Variants in SLC8A1 observed in about 807,000 individuals in gnomAD.
The protein encoded by SLC8A1 is solute carrier family 8 member A1, also known as sodium/calcium exchanger 1.
Under a neutral mutation model 68.3 loss-of-function variants are expected in SLC8A1, and 18 were observed. That is an observed-to-expected ratio of 0.26 (90% CI 0.18 to 0.39). The LOEUF (loss-of-function observed/expected upper bound fraction) is 0.39. Ranked by LOEUF, SLC8A1 falls within the 10% of genes least tolerant of loss-of-function variation. The pLI, the probability that SLC8A1 is intolerant of heterozygous loss-of-function variation, is 1.00. For missense variants in SLC8A1, 985 were observed against 1,156.7 expected (o/e 0.85, Z 2.15); for synonymous variants, 475 against 415.5 (o/e 1.14, Z -1.74).
chr2:40,133,557 C>T (rs1280075460), intron 7 of SLC8A1, among the ~76,000 whole-genome samples: 1 of 151,912 alleles, frequency 6.6e-6, no homozygotes, highest in Non-Finnish European at 1.5e-5. Flanking sequence ...AAAGGACAGC[C>T]TATCATACCC....
At chr2:40,339,201 C>T (rs139316691) in intron 2 of SLC8A1, among the ~76,000 whole-genome samples, 1 of 152,276 alleles carries the variant, frequency 6.6e-6, no homozygotes, top group East Asian at 1.9e-4. Context: ...GTTATTCATT[C>T]CTAAGATGTC....
At chr2:40,398,007 C>A (rs1687531174) in intron 2 of SLC8A1, among the ~76,000 whole-genome samples, 2 of 152,160 alleles carry the variant, frequency 1.3e-5, no homozygotes, top group Admixed American at 6.5e-5. Flanking sequence ...AGGAAAATAA[C>A]AGAATGGGGA....
At chr2:40,324,669 C>T (rs962263845) in intron 2 of SLC8A1, among the ~76,000 whole-genome samples, 1 of 152,014 alleles carries the variant, frequency 6.6e-6, no homozygotes, top group Non-Finnish European at 1.5e-5. Flanking sequence ...CCCTTCCTTT[C>T]CCTTCCCTTC....
chr2:40,395,501 T>A lies in SLC8A1; in HGVS notation c.1808+32972A>T, dbSNP rs7578579. ...AAGTCAAATCCGAAGGCTACCCTGC[T>A]TGTGGTGTTCCATAACTCTGTCTGG... On this transcript the variant is annotated intron_variant, in intron 2 of 7. Transcript: ENST00000406785. Among the ~76,000 whole-genome samples, 467 of 152,242 alleles carry A rather than the reference T, an allele frequency of 3.1e-3. 3 individuals carry two copies. The highest frequency in any genetic ancestry group is 0.011 in the African/African-American group (441 of 41,556).
At chr2:40,364,225 A>G (rs933750980) in intron 2 of SLC8A1, among the ~76,000 whole-genome samples, 1 of 152,088 alleles carries the variant, frequency 6.6e-6, no homozygotes, top group African/African-American at 2.4e-5. Flanking sequence ...TATTTTCTCA[A>G]TGCTCAGTAT....
chr2:40,256,953 A>G (rs1394743662), intron 2 of SLC8A1, among the ~76,000 whole-genome samples: 2 of 152,122 alleles, frequency 1.3e-5, no homozygotes, highest in African/African-American at 4.8e-5. Flanking sequence ...CCCATCAGCA[A>G]CTCAGCCCCA....
chr2:40,254,951 T>TCACTG (rs1207347883), intron 2 of SLC8A1: 1 of 151,966 alleles, frequency 6.6e-6, no homozygotes, highest in Non-Finnish European at 1.5e-5. Flanking sequence ...TTGAGCCCTG[T>TCACTG]CACTGAGTCT....
chr2:40,331,821 G>C (rs1311749353), intron 2 of SLC8A1, among the ~76,000 whole-genome samples: 1 of 152,096 alleles, frequency 6.6e-6, no homozygotes, highest in Non-Finnish European at 1.5e-5. Context: ...TTGAACTCCT[G>C]ACCTCAGGTG....
At chr2:40,219,261 CTT>C (rs930672595) in intron 2 of SLC8A1, among the ~76,000 whole-genome samples, 2 of 152,142 alleles carry the variant, frequency 1.3e-5, no homozygotes, top group African/African-American at 4.8e-5. Flanking sequence ...AAGCACAGCT[CTT>C]GTTTGACCTT....
Position 40,465,958 on chromosome 2 carries a change from T to C in SLC8A1, c.-24-35654A>G, listed in dbSNP as rs570811734. Among the ~76,000 whole-genome samples the C allele has an allele frequency of 3.9e-5, 6 of 152,226 alleles. No individual in the cohort carries two copies. The East Asian group carries it at 1.2e-3, about 30-fold the overall frequency. On this transcript the variant is annotated intron_variant, in intron 1 of 7. Transcript: ENST00000402441. ...GCCCTTCTGCCATGTGAGGACACAGTATTTGTCTTCTCTTGCCCTCCTGGC... is the reference window on the plus strand; with the variant it reads ...GCCCTTCTGCCATGTGAGGACACAGCATTTGTCTTCTCTTGCCCTCCTGGC...
intron 2 of SLC8A1, among the ~76,000 whole-genome samples, chr2:40,252,477 C>T (rs1402763518): frequency 1.3e-5 from 2 of 151,974 alleles, no homozygotes; most frequent in African/African-American, 2.4e-5. Flanking sequence ...GGATGACAGG[C>T]GCCCGCCACC....
At chr2:40,138,860 C>T (rs538594000) in intron 7 of SLC8A1, among the ~76,000 whole-genome samples, 1 of 152,136 alleles carries the variant, frequency 6.6e-6, no homozygotes, top group Non-Finnish European at 1.5e-5. Flanking sequence ...TACATTTGGC[C>T]TGTCCACTTT....
intron 1 of SLC8A1, among the ~76,000 whole-genome samples, chr2:40,485,434 T>C (rs762785216): frequency 2.0e-5 from 3 of 152,168 alleles, no homozygotes; most frequent in South Asian, 4.1e-4. Flanking sequence ...AAAAGCAACA[T>C]GCTTTTTCCT....
At chr2:40,232,747 C>G (rs1194722700) in intron 2 of SLC8A1, among the ~76,000 whole-genome samples, 2 of 77,870 alleles carry the variant, frequency 2.6e-5, no homozygotes, top group Admixed American at 1.3e-4. Flanking sequence ...CTATCCCTCC[C>G]CCCCCGCCAC....
chr2:40,491,359 G>A (rs1478685691), intron 1 of SLC8A1, among the ~76,000 whole-genome samples: 1 of 152,062 alleles, frequency 6.6e-6, no homozygotes, highest in Non-Finnish European at 1.5e-5. Context: ...TGCTGAAGTT[G>A]CTTATCAGCT....
At chr2:40,162,902 T>A (rs756674899) in intron 5 of SLC8A1, among the ~76,000 whole-genome samples, 22 of 152,144 alleles carry the variant, frequency 1.4e-4, no homozygotes, top group Non-Finnish European at 2.6e-4. Flanking sequence ...CCACCCAGAT[T>A]TGGGTCTCTG....
chr2:40,108,240 C>T (rs1217321752), exon 8 of SLC8A1: 2 of 152,054 alleles, frequency 1.3e-5, no homozygotes, highest in African/African-American at 4.8e-5. Context: ...TGTACAGGTC[C>T]AATGTATTCT....
chr2:40,415,857 TATACACACACACACACAC>T (rs1693667188), intron 2 of SLC8A1, among the ~76,000 whole-genome samples: 1 of 101,748 alleles, frequency 9.8e-6, no homozygotes, highest in African/African-American at 4.2e-5. Context: ...CTACTAAAAG[TATACACACACACACACAC>T]ACACACACAC....
chr2:40,136,301 G>A (rs2040488349), intron 7 of SLC8A1, among the ~76,000 whole-genome samples: 1 of 152,206 alleles, frequency 6.6e-6, no homozygotes, highest in African/African-American at 2.4e-5. Flanking sequence ...TTCTCTGCCA[G>A]TAGAGTATGA....
Sources: gnomAD v4.1 joint callset for allele counts (sites outside exome capture counted in the v4.1 genomes callset) on GRCh38, gnomAD v4.1.1 for gene constraint, MANE v1.5 for transcripts, NCBI Gene and HGNC (gene_info 2026-07-23, HGNC 2026-07-21) for gene names.